MICU2: variants seen among roughly 807,000 people sequenced by gnomAD.
MICU2 encodes the protein mitochondrial calcium uptake 2, also known as calcium uptake protein 2, mitochondrial.
Under a neutral mutation model 60.4 loss-of-function variants are expected in MICU2, and 64 were observed. That is an observed-to-expected ratio of 1.06 (90% CI 0.87 to 1.31). The LOEUF (loss-of-function observed/expected upper bound fraction) is 1.31, where lower values mean the gene tolerates loss of function less well. MICU2 is among the 50% of genes most tolerant of loss of function. The probability of loss-of-function intolerance (pLI) is 0.00; values close to 1 mark genes in which losing one functional copy is unlikely to be tolerated. For synonymous variants in MICU2, 201 were observed against 175.0 expected (o/e 1.15, Z -1.17); for missense variants, 569 against 531.0 (o/e 1.07, Z -0.70).
At chr13:21,561,900 C>T (rs1342586569) in intron 2 of MICU2, among the ~76,000 whole-genome samples, 3 of 126,400 alleles carry the variant, frequency 2.4e-5, no homozygotes, top group Admixed American at 8.9e-5. Context: ...TGTGATGTTC[C>T]CCTTCCTGTG....
chr13:21,542,664 G>C lies in MICU2; in HGVS notation c.359-2976C>G, dbSNP rs144903043. ...AAACACATTAGGGGTTTTTGTTTTT[G>C]TAGGAGGCGGCATAGATCTTGAAGC... On this transcript the variant is annotated intron_variant, in intron 2 of 11. Coordinates refer to ENST00000382374, the MANE Select transcript of MICU2 (RefSeq NM_152726.3). 2.2e-3 allele frequency among the ~76,000 whole-genome samples: 341 copies of C among 152,276 alleles called. 2 individuals are homozygous for C. Among genetic ancestry groups the C allele is most frequent in the African/African-American group, 7.8e-3 (323 of 41,564 alleles).
At chr13:21,538,998 T>C (rs1006425354) in intron 4 of MICU2, among the ~76,000 whole-genome samples, 8 of 152,000 alleles carry the variant, frequency 5.3e-5, no homozygotes, top group Non-Finnish European at 8.8e-5. Flanking sequence ...CCTCTACCTC[T>C]CTGATTACTC....
In MICU2 at chr13:21,510,113, AT is replaced by A. The variant is rs779920156; in HGVS notation, c.664-13del. ...TTCACTATTGCTTCCTATTAAAAAAATCACAATAATTTAAAATAATTATAAA... is the reference window on the plus strand; with the variant it reads ...TTCACTATTGCTTCCTATTAAAAAAACACAATAATTTAAAATAATTATAAA... On this transcript the variant is annotated splice_polypyrimidine_tract_variant and intron_variant, in intron 7 of 11. Transcript: ENST00000382374. 1 of 1,309,086 alleles carries A rather than the reference AT, an allele frequency of 7.6e-7. No homozygotes were observed. The highest frequency in any genetic ancestry group is 1.8e-5 in the South Asian group (1 of 55,746). 81.1% of individuals were successfully genotyped at this position (1,309,086 alleles called of 1,614,324 possible).
At chr13:21,562,552 T>A (rs1029853353) in intron 2 of MICU2, among the ~76,000 whole-genome samples, 4 of 152,206 alleles carry the variant, frequency 2.6e-5, no homozygotes, top group Admixed American at 6.5e-5. Context: ...TTAAAAATAT[T>A]TTTTTAGTAG....
intron 1 of MICU2, among the ~76,000 whole-genome samples, chr13:21,599,967 G>A (rs1157980420): frequency 6.6e-6 from 1 of 152,182 alleles, no homozygotes; most frequent in African/African-American, 2.4e-5. Context: ...ATAGCTTGTT[G>A]CCTACATTCA....
chr13:21,603,878 C>G, intron 1 of MICU2, 61 bp downstream of exon 1: 1 of 1,578,956 alleles, frequency 6.3e-7, no homozygotes, highest in Non-Finnish European at 8.6e-7. Flanking sequence ...CACTCCCCGC[C>G]TAAGGGCGTC....
chr13:21,527,354 G>A (rs1480085950), intron 4 of MICU2, among the ~76,000 whole-genome samples: 1 of 152,174 alleles, frequency 6.6e-6, no homozygotes, highest in East Asian at 1.9e-4. Flanking sequence ...ATGCCAGAAG[G>A]AGGCCTTGCT....
intron 2 of MICU2, among the ~76,000 whole-genome samples, chr13:21,555,495 A>G (rs1171273527): frequency 6.6e-6 from 1 of 152,236 alleles, no homozygotes; most frequent in Non-Finnish European, 1.5e-5. Flanking sequence ...AACTCTCAAT[A>G]AATTAGGTAT....
At chr13:21,581,897 C>T (rs766119480) in intron 1 of MICU2, among the ~76,000 whole-genome samples, 20 of 152,178 alleles carry the variant, frequency 1.3e-4, no homozygotes, top group Non-Finnish European at 2.5e-4. Flanking sequence ...CAAAGAACTA[C>T]AGGAAATCAT....
chr13:21,534,823 A>G (rs1395450080), intron 4 of MICU2, among the ~76,000 whole-genome samples: 1 of 152,218 alleles, frequency 6.6e-6, no homozygotes, highest in Non-Finnish European at 1.5e-5. Context: ...GAAATCAGAG[A>G]GTACAGTGTA....
At chr13:21,517,366 A>G (rs944039119) in intron 6 of MICU2, among the ~76,000 whole-genome samples, 4 of 152,222 alleles carry the variant, frequency 2.6e-5, no homozygotes, top group Non-Finnish European at 5.9e-5. Context: ...GGAGAGCAAT[A>G]AATAAAATCT....
In MICU2 at chr13:21,514,402, CT is replaced by C. The variant is rs1234880359; in HGVS notation, c.613del (p.Ser205ValfsTer6). Reference protein sequence around the residue: ...REFFKLQKIISKQDDLMTVKT... With the variant: ...REFFKLQKIIXKQDDLMTVKT... ...CACTGTCATCAAGTCATCTTGTTTA[CT>C]TATGATCTTCTGCAGCTAAAAAGAT... On this transcript the variant is annotated frameshift_variant, in exon 7 of 12. Coordinates refer to ENST00000382374, the MANE Select transcript of MICU2 (RefSeq NM_152726.3). LOFTEE classifies it high-confidence loss of function. 1 of 1,613,416 alleles carries C rather than the reference CT, an allele frequency of 6.2e-7. No individual in the cohort carries two copies.
At chr13:21,554,484 C>T (rs1200047) in intron 2 of MICU2, among the ~76,000 whole-genome samples, 52,611 of 151,872 alleles carry the variant, frequency 0.35, 9,489 homozygotes, top group South Asian at 0.4. Flanking sequence ...TTGAAACCAA[C>T]GAGAACAAAG....
chr13:21,539,400 TA>T (rs1409756792), intron 3 of MICU2, 23 bp from the exon 4 acceptor site: 9 of 1,597,382 alleles, frequency 5.6e-6, no homozygotes, highest in Non-Finnish European at 7.7e-6. Context: ...ATATTAAAAT[TA>T]AACTTCTAAA....
intron 4 of MICU2, among the ~76,000 whole-genome samples, chr13:21,525,867 T>C (rs922900698): frequency 1.3e-5 from 2 of 151,682 alleles, no homozygotes; most frequent in Non-Finnish European, 2.9e-5. Flanking sequence ...CTTCACTCTC[T>C]TGACAGTGTT....
chr13:21,591,441 C>A (rs1454700552), intron 1 of MICU2, among the ~76,000 whole-genome samples: 2 of 152,128 alleles, frequency 1.3e-5, no homozygotes, highest in Non-Finnish European at 2.9e-5. Context: ...ACTTTTAACA[C>A]CCCACTGTCA....
At chr13:21,518,733 T>C (rs1193905186) in intron 6 of MICU2, among the ~76,000 whole-genome samples, 1 of 152,214 alleles carries the variant, frequency 6.6e-6, no homozygotes, top group Non-Finnish European at 1.5e-5. Context: ...ATCTATCAAT[T>C]TCTTGTCCCT....
chr13:21,510,889 C>A (rs1359028211), intron 7 of MICU2, among the ~76,000 whole-genome samples: 2 of 152,016 alleles, frequency 1.3e-5, no homozygotes, highest in African/African-American at 4.8e-5. Flanking sequence ...TTCAATTCTG[C>A]AATAAGTAGA....
At chr13:21,523,349 G>C (rs1029665242) in intron 4 of MICU2, among the ~76,000 whole-genome samples, 1 of 152,132 alleles carries the variant, frequency 6.6e-6, no homozygotes, top group Non-Finnish European at 1.5e-5. Flanking sequence ...GCAAATAACA[G>C]GCATCCACTA....
Sources: allele counts gnomAD v4.1 joint callset (sites outside exome capture counted in the v4.1 genomes callset), GRCh38; gene constraint gnomAD v4.1.1; transcripts MANE v1.5; gene names NCBI Gene and HGNC (gene_info 2026-07-23, HGNC 2026-07-21).